The following PAK1 variants were observed in gnomAD, a reference collection of about 807,000 sequenced individuals.
The protein encoded by PAK1 is serine/threonine-protein kinase PAK 1.
Under a neutral mutation model 67.4 loss-of-function variants are expected in PAK1, and 29 were observed. That is an observed-to-expected ratio of 0.43 (90% confidence interval 0.32 to 0.59). The LOEUF is 0.59. PAK1 is among the 20% of genes least tolerant of loss of function. The pLI, the probability that PAK1 is intolerant of heterozygous loss-of-function variation, is 0.07. For synonymous variants in PAK1, 223 were observed against 237.4 expected, an observed-to-expected ratio of 0.94 and a Z score of 0.56; for missense variants, 337 against 670.7, an observed-to-expected ratio of 0.50 and a Z score of 5.50.
At chr11:77,426,937 A>C (rs1271597083) in intron 1 of PAK1, among the ~76,000 whole-genome samples, 1 of 152,204 alleles carries the variant, frequency 6.6e-6, no homozygotes, top group Admixed American at 6.5e-5. Flanking sequence ...GTAGAAAAGA[A>C]AACCTGGACA....
intron 1 of PAK1, among the ~76,000 whole-genome samples, chr11:77,462,121 T>C (rs896437204): frequency 6.6e-6 from 1 of 151,466 alleles, no homozygotes; most frequent in African/African-American, 2.4e-5. Context: ...GGTCAGGAGA[T>C]CGAGACCATC....
At chr11:77,335,947 A>C in intron 13 of PAK1, 139 bp downstream of exon 13, 1 of 490,602 alleles carries the variant, frequency 2.0e-6, no homozygotes, top group Non-Finnish European at 3.7e-6. Flanking sequence ...GGCCATTTAT[A>C]CTTTAAGTTC....
intron 1 of PAK1, among the ~76,000 whole-genome samples, chr11:77,461,470 TA>T (rs2135489223): frequency 6.6e-6 from 1 of 152,348 alleles, no homozygotes; most frequent in Admixed American, 6.5e-5. Context: ...AAGAAAGAAT[TA>T]TTCTACTGGT....
At chr11:77,371,862 C>A (rs1351082034) in intron 5 of PAK1, among the ~76,000 whole-genome samples, 1 of 152,152 alleles carries the variant, frequency 6.6e-6, no homozygotes. Context: ...ATGGCATGAA[C>A]CCCAGGGCTC....
intron 8 of PAK1, among the ~76,000 whole-genome samples, chr11:77,351,318 A>G (rs947232710): frequency 5.3e-5 from 8 of 152,052 alleles, no homozygotes; most frequent in Non-Finnish European, 1.0e-4. Context: ...AAAAAAAAAA[A>G]AAAAGTCACA....
chr11:77,396,914 C>T (rs1291808913), intron 1 of PAK1: 1 of 152,214 alleles, frequency 6.6e-6, no homozygotes, highest in African/African-American at 2.4e-5. Flanking sequence ...TATCTACACT[C>T]ATCAAAATAA....
At chr11:77,435,804 G>A (rs976565086) in intron 1 of PAK1, among the ~76,000 whole-genome samples, 6 of 151,758 alleles carry the variant, frequency 4.0e-5, no homozygotes, top group Non-Finnish European at 5.9e-5. Context: ...CACTGCGCCC[G>A]GCCCACATAT....
At chr11:77,493,925 T>C in the PAK1 span, among the ~76,000 whole-genome samples, 2 of 152,224 alleles carry the variant, frequency 1.3e-5, no homozygotes, top group South Asian at 4.1e-4. Flanking sequence ...TTTGGTTTGA[T>C]GTGTTTAAGA....
At chr11:77,337,475 A>G in intron 11 of PAK1, 52 bp from the exon 12 acceptor site, 2 of 888,632 alleles carry the variant, frequency 2.3e-6, no homozygotes, top group Non-Finnish European at 3.6e-6. Context: ...CATATAATAC[A>G]GAAGACTTAA....
At chr11:77,330,888 T>C (rs918826878) in intron 14 of PAK1, among the ~76,000 whole-genome samples, 2 of 152,220 alleles carry the variant, frequency 1.3e-5, no homozygotes, top group African/African-American at 2.4e-5. Context: ...CCTACTCATC[T>C]GACAAAGGGC....
At chr11:77,516,929 T>C in the PAK1 span, among the ~76,000 whole-genome samples, 1 of 150,574 alleles carries the variant, frequency 6.6e-6, no homozygotes, top group African/African-American at 2.4e-5. Flanking sequence ...TTGCTGGAGC[T>C]CAGGAGTTCA....
intron 14 of PAK1, among the ~76,000 whole-genome samples, chr11:77,331,745 C>CTGCACG (rs1941578911): frequency 6.6e-6 from 1 of 150,678 alleles, no homozygotes; most frequent in Non-Finnish European, 1.5e-5. Context: ...TGTAACAAAC[C>CTGCACG]TGCACGTTGT....
chr11:77,375,141 G>C (rs147577908), intron 4 of PAK1, among the ~76,000 whole-genome samples: 7 of 152,256 alleles, frequency 4.6e-5, no homozygotes, highest in Non-Finnish European at 5.9e-5. Context: ...ACTGTTATTT[G>C]CCCAGGGTAC....
chr11:77,443,549 T>C (rs1475407519), intron 1 of PAK1, among the ~76,000 whole-genome samples: 1 of 152,162 alleles, frequency 6.6e-6, no homozygotes, highest in Non-Finnish European at 1.5e-5. Flanking sequence ...AGCAAAATGC[T>C]AAGTACATTT....
chr11:77,517,549 T>G, the PAK1 span, among the ~76,000 whole-genome samples: 2 of 152,148 alleles, frequency 1.3e-5, no homozygotes, highest in African/African-American at 4.8e-5. Context: ...TCCCCAACCT[T>G]TTTGGCACCA....
intron 14 of PAK1, among the ~76,000 whole-genome samples, chr11:77,327,937 A>T (rs891735654): frequency 2.0e-5 from 3 of 152,194 alleles, no homozygotes; most frequent in Non-Finnish European, 4.4e-5. Context: ...GGGATGGAGG[A>T]AGATCTACCA....
chr11:77,529,796 C>T, the PAK1 span, among the ~76,000 whole-genome samples: 11 of 152,132 alleles, frequency 7.2e-5, no homozygotes, highest in South Asian at 2.1e-4. Flanking sequence ...GGCAAGAAGA[C>T]GGAAAAGAAT....
intron 4 of PAK1, 147 bp from the exon 5 acceptor site, chr11:77,374,512 TA>T (rs1377048972): frequency 2.5e-5 from 16 of 633,416 alleles, no homozygotes; most frequent in Non-Finnish European, 4.5e-5. Flanking sequence ...GATATCATGC[TA>T]AATGCATTAT....
At chr11:77,474,405 C>G (rs922765748), upstream of PAK1, 2 of 152,202 alleles carry the variant, frequency 1.3e-5, no homozygotes, top group Non-Finnish European at 2.9e-5. Flanking sequence ...TGCTGCGTGA[C>G]GTCATCGCGT....
Sources: gnomAD v4.1 joint callset for allele counts (sites outside exome capture counted in the v4.1 genomes callset) on GRCh38, gnomAD v4.1.1 for gene constraint, MANE v1.5 for transcripts, NCBI Gene and HGNC (gene_info 2026-07-23, HGNC 2026-07-21) for gene names.